Variants in ANTXR1 observed in about 807,000 individuals in gnomAD.
The protein encoded by ANTXR1 is anthrax toxin receptor 1.
ANTXR1 carries 19 observed loss-of-function variants against 78.1 expected under a neutral mutation model. The ratio of observed to expected loss-of-function variants is 0.24; its 90% CI spans 0.17 to 0.36. ANTXR1 has a LOEUF of 0.36. Ranked by LOEUF, ANTXR1 falls within the 10% of genes least tolerant of loss-of-function variation. The pLI is 1.00. For synonymous variants in ANTXR1, 273 were observed against 260.5 expected (o/e 1.05, Z -0.46); for missense variants, 518 against 718.6 (o/e 0.72, Z 3.19).
chr2:69,051,649 A>G (rs1669937531), intron 3 of ANTXR1, among the ~76,000 whole-genome samples: 1 of 152,088 alleles, frequency 6.6e-6, no homozygotes, highest in Non-Finnish European at 1.5e-5. Context: ...TTTGATGATT[A>G]AAATTTTGTT....
Position 69,124,571 on chromosome 2 carries a change from T to C in ANTXR1, c.879T>C (p.Ala293=). ...TCCCTTGTTGTCATTGCAGGAAAGCTGCACTCCAGGTCAGCATGAACGATG... is the reference window on the plus strand; with the variant it reads ...TCCCTTGTTGTCATTGCAGGAAAGCCGCACTCCAGGTCAGCATGAACGATG... ...APILKEVGMK[A]ALQVSMNDGL... The change falls in exon 12 of 18, where the codon GCT becomes GCC. Residue 293 remains alanine (A), a synonymous_variant. Transcript: ENST00000303714. 6.2e-7 allele frequency: 1 copy of C among 1,614,224 alleles called. No homozygotes were observed. The highest frequency in any genetic ancestry group is 2.2e-5 in the East Asian group (1 of 44,882).
chr2:69,181,373 A>G (rs1017508470), intron 14 of ANTXR1, among the ~76,000 whole-genome samples: 3 of 152,300 alleles, frequency 2.0e-5, no homozygotes, highest in East Asian at 1.9e-4. Flanking sequence ...AAATCAGGAC[A>G]TCTCTGCTGT....
At chr2:69,222,794 T>C (rs1304294641) in intron 17 of ANTXR1, among the ~76,000 whole-genome samples, 1 of 152,238 alleles carries the variant, frequency 6.6e-6, no homozygotes, top group African/African-American at 2.4e-5. Context: ...GGAAATGTTC[T>C]GAAGCTGTGA....
rs79903638 is a variant in ANTXR1 at position 69,128,700 on chromosome 2, C to T, written c.951+4057C>T. Among the ~76,000 whole-genome samples the T allele has an allele frequency of 5.5e-3, 837 of 152,228 alleles. 3 individuals carry two copies. Among genetic ancestry groups the T allele is most frequent in the African/African-American group, 0.019 (787 of 41,538 alleles). On this transcript the variant is annotated intron_variant, in intron 12 of 17. Coordinates refer to ENST00000303714, the MANE Select transcript of ANTXR1 (RefSeq NM_032208.3). ...GGGCAAAATAGAGATGCAGGTGGAA[C>T]GTGTGGGTATCCAAAATATGAAGTA...
intron 17 of ANTXR1, among the ~76,000 whole-genome samples, chr2:69,225,804 G>T (rs1459379228): frequency 1.3e-5 from 2 of 152,160 alleles, no homozygotes; most frequent in Non-Finnish European, 2.9e-5. Flanking sequence ...AGCAAATGTT[G>T]GGTGCTATTC....
chr2:69,058,781 C>T (rs1284644284), intron 3 of ANTXR1, among the ~76,000 whole-genome samples: 3 of 152,172 alleles, frequency 2.0e-5, no homozygotes, highest in East Asian at 1.9e-4. Context: ...AGATTGAAAA[C>T]CTTTGGGAAA....
intron 9 of ANTXR1, among the ~76,000 whole-genome samples, chr2:69,096,121 G>A (rs544693868): frequency 1.3e-5 from 2 of 151,824 alleles, no homozygotes; most frequent in Non-Finnish European, 2.9e-5. Flanking sequence ...AGCCAGGCGT[G>A]GTGGCGGGCT....
intron 10 of ANTXR1, among the ~76,000 whole-genome samples, chr2:69,116,333 C>T (rs1250345885): frequency 1.3e-5 from 2 of 152,158 alleles, no homozygotes; most frequent in Non-Finnish European, 2.9e-5. Context: ...AAGCTCAGCC[C>T]GGATTCTTTG....
chr2:69,245,523 C>T lies in ANTXR1; in HGVS notation c.*38C>T. The T allele has an allele frequency of 6.8e-6, 11 of 1,611,726 alleles. No homozygotes were observed. The highest frequency in any genetic ancestry group is 1.1e-5 in the South Asian group (1 of 90,856). On this transcript the variant is annotated 3_prime_UTR_variant, in exon 18 of 18. Coordinates refer to ENST00000303714, the MANE Select transcript of ANTXR1 (RefSeq NM_032208.3). ...CTGCTCTGGGCTCTCTCAGAAACTT[C>T]AGGAGATGTTAGAACAAGTCTTTCC...
Position 69,245,287 on chromosome 2 carries a change from C to A in ANTXR1, c.1497C>A (p.Asn499Lys), listed in dbSNP as rs72903177. ...NNQPAKYPLN[N>K]AYHTSSPPPA... is the part of the protein sequence containing the mutation. ...AGCCAGCCAAGTACCCACTCAACAA[C>A]GCCTACCACACCTCCTCGCCGCCTC... is the stretch of plus-strand genomic sequence containing the variant. Residue 499 changes from asparagine (N) to lysine (K), a missense_variant, in exon 18 of 18, where the codon AAC becomes AAA. Asn to Lys is a moderately conservative substitution (Grantham distance 94, BLOSUM62 0). Transcript: ENST00000303714. 1 of 1,613,322 alleles carries A rather than the reference C, an allele frequency of 6.2e-7. No individual in the cohort carries two copies. The highest frequency in any genetic ancestry group is 1.1e-5 in the South Asian group (1 of 91,020).
Position 69,248,230 on chromosome 2 carries a change from C to T in ANTXR1, c.*2745C>T, listed in dbSNP as rs2104539944. 1 of 166,774 alleles carries T rather than the reference C, an allele frequency of 6.0e-6. No homozygotes were observed. 10.3% of individuals were successfully genotyped at this position (166,774 alleles called of 1,614,324 possible). A position where few individuals can be genotyped will look rare whatever the true frequency, so the allele number is the denominator to read the frequency against. On this transcript the variant is annotated 3_prime_UTR_variant, in exon 18 of 18. Coordinates refer to ENST00000303714, the MANE Select transcript of ANTXR1 (RefSeq NM_032208.3). ...TGAACTGTTTTTTTTTTTATTAAAGCCAAATTTGTGTTGTATATATTCGTA... is the reference window on the plus strand; with the variant it reads ...TGAACTGTTTTTTTTTTTATTAAAGTCAAATTTGTGTTGTATATATTCGTA...
intron 17 of ANTXR1, among the ~76,000 whole-genome samples, chr2:69,194,941 G>A (rs1380871654): frequency 1.3e-5 from 2 of 152,110 alleles, no homozygotes; most frequent in South Asian, 2.1e-4. Context: ...AGGCCAAGGC[G>A]GGTGGATCAC....
intron 8 of ANTXR1, among the ~76,000 whole-genome samples, chr2:69,077,784 G>C (rs747896065): frequency 6.6e-6 from 1 of 152,190 alleles, no homozygotes; most frequent in Non-Finnish European, 1.5e-5. Context: ...GTGGCTGGTG[G>C]TTTACGCTTG....
intron 12 of ANTXR1, among the ~76,000 whole-genome samples, chr2:69,144,905 T>C (rs1419631066): frequency 1.3e-5 from 2 of 152,174 alleles, no homozygotes; most frequent in Admixed American, 6.5e-5. Flanking sequence ...GAAATATAAT[T>C]GTTGTAGTTA....
chr2:69,087,859 G>C (rs1329340366), intron 8 of ANTXR1, among the ~76,000 whole-genome samples: 1 of 152,118 alleles, frequency 6.6e-6, no homozygotes, highest in Admixed American at 6.5e-5. Context: ...AGTCTTGGCT[G>C]CTAAGAACCA....
At chr2:69,075,252 C>G (rs183183705) in intron 6 of ANTXR1, among the ~76,000 whole-genome samples, 1 of 152,114 alleles carries the variant, frequency 6.6e-6, no homozygotes, top group Non-Finnish European at 1.5e-5. Context: ...TACAAAGAAA[C>G]GTATGTCAGT....
At chr2:69,052,414 A>G (rs1378652171) in intron 3 of ANTXR1, among the ~76,000 whole-genome samples, 6 of 152,090 alleles carry the variant, frequency 3.9e-5, no homozygotes, top group Admixed American at 3.9e-4. Flanking sequence ...CTTCCATCTT[A>G]ACTATCTTTC....
At chr2:69,031,048 G>A (rs1368753961) in intron 1 of ANTXR1, among the ~76,000 whole-genome samples, 2 of 152,176 alleles carry the variant, frequency 1.3e-5, no homozygotes, top group Non-Finnish European at 2.9e-5. Flanking sequence ...CTGCTTTTGT[G>A]CTACAAAAAG....
At chr2:69,244,634 C>T (rs1675970628) in intron 17 of ANTXR1, among the ~76,000 whole-genome samples, 2 of 152,342 alleles carry the variant, frequency 1.3e-5, no homozygotes, top group South Asian at 4.1e-4. Flanking sequence ...AATCTAGCTA[C>T]ATCCTTGAAT....
Sources: allele counts gnomAD v4.1 joint callset (sites outside exome capture counted in the v4.1 genomes callset), GRCh38; gene constraint gnomAD v4.1.1; transcripts MANE v1.5; gene names NCBI Gene and HGNC (gene_info 2026-07-23, HGNC 2026-07-21).